Variants in SYT14 observed in about 807,000 individuals in gnomAD.
The protein encoded by SYT14 is synaptotagmin-14.
A neutral mutation model predicts 74.2 loss-of-function variants in SYT14; 32 were observed. The observed-to-expected ratio is 0.43, with a 90% CI of 0.33 to 0.58. The LOEUF (loss-of-function observed/expected upper bound fraction) is 0.58. SYT14 is among the 20% of genes least tolerant of loss of function. SYT14 has a pLI of 0.05. For missense variants in SYT14, 791 were observed against 981.8 expected (o/e 0.81, Z 2.60); for synonymous variants, 298 against 337.7 (o/e 0.88, Z 1.29).
At chr1:210,000,476 A>G (rs1055858849) in intron 2 of SYT14, among the ~76,000 whole-genome samples, 93 of 150,974 alleles carry the variant, frequency 6.2e-4, no homozygotes, top group African/African-American at 2.0e-3. Context: ...GCACACACAC[A>G]CACACACACA....
intron 7 of SYT14, among the ~76,000 whole-genome samples, chr1:210,147,402 A>G (rs745669559): frequency 2.0e-5 from 3 of 152,308 alleles, no homozygotes; most frequent in Non-Finnish European, 4.4e-5. Flanking sequence ...GAGAAATTAG[A>G]AGTTTTAAAC....
At chr1:210,050,030 A>G (rs1487707727) in intron 5 of SYT14, among the ~76,000 whole-genome samples, 1 of 152,156 alleles carries the variant, frequency 6.6e-6, no homozygotes, top group East Asian at 1.9e-4. Context: ...TACTCATGCA[A>G]ATTTCTACAG....
intron 7 of SYT14, among the ~76,000 whole-genome samples, chr1:210,104,459 T>C (rs554718010): frequency 1.3e-5 from 2 of 152,228 alleles, no homozygotes; most frequent in African/African-American, 2.4e-5. Flanking sequence ...TACTGTCTTA[T>C]GCCAAACTCA....
chr1:209,974,449 C>T (rs937314757), intron 2 of SYT14, among the ~76,000 whole-genome samples: 1 of 152,188 alleles, frequency 6.6e-6, no homozygotes, highest in African/African-American at 2.4e-5. Context: ...GTTTTTCCAG[C>T]ACCACTTATT....
intron 2 of SYT14, among the ~76,000 whole-genome samples, chr1:209,954,725 AG>A (rs2078964929): frequency 6.8e-6 from 1 of 147,528 alleles, no homozygotes; most frequent in Admixed American, 6.8e-5. Flanking sequence ...TTTTTTTTCC[AG>A]AGACAGATTC....
intron 5 of SYT14, among the ~76,000 whole-genome samples, chr1:210,066,390 T>C (rs2081296738): frequency 6.6e-6 from 1 of 152,156 alleles, no homozygotes; most frequent in South Asian, 2.1e-4. Context: ...CAGCACCTGT[T>C]GTTTCCTGAC....
intron 2 of SYT14, among the ~76,000 whole-genome samples, chr1:209,996,480 A>G (rs2079793836): frequency 6.6e-6 from 1 of 152,112 alleles, no homozygotes; most frequent in South Asian, 2.1e-4. Context: ...TAACCAAAAC[A>G]AAAAAGACCT....
intron 7 of SYT14, among the ~76,000 whole-genome samples, chr1:210,120,527 A>C (rs1268975948): frequency 6.6e-6 from 1 of 152,026 alleles, no homozygotes; most frequent in African/African-American, 2.4e-5. Flanking sequence ...AATACTTACC[A>C]TTGTGTTACA....
At chr1:209,983,887 G>T (rs1307012580) in intron 2 of SYT14, among the ~76,000 whole-genome samples, 1 of 152,174 alleles carries the variant, frequency 6.6e-6, no homozygotes, top group Non-Finnish European at 1.5e-5. Flanking sequence ...AGTAGGTGCT[G>T]CAGTCATCTA....
chr1:210,137,872 G>A lies in SYT14; in HGVS notation c.2035-17849G>A, dbSNP rs192916931. Among the ~76,000 whole-genome samples the A allele has an allele frequency of 7.9e-3, 1,194 of 152,018 alleles. 14 individuals carry two copies. The highest frequency in any genetic ancestry group is 0.027 in the African/African-American group (1,130 of 41,486). On this transcript the variant is annotated intron_variant, in intron 7 of 9. Transcript: ENST00000637265. ...ATTTTTGTATTTTTAGTAGAGACGG[G>A]GTTTCACCATGTTGGTCAAGCTGGT...
chr1:210,069,833 G>A (rs1185022247), intron 5 of SYT14, among the ~76,000 whole-genome samples: 6 of 136,312 alleles, frequency 4.4e-5, no homozygotes, highest in Non-Finnish European at 9.6e-5. Context: ...TTTTGTTTTT[G>A]CCTTTGTCAT....
chr1:210,113,933 GC>G (rs1410064234), intron 7 of SYT14, among the ~76,000 whole-genome samples: 1 of 151,334 alleles, frequency 6.6e-6, no homozygotes, highest in African/African-American at 2.5e-5. Flanking sequence ...AAGAAAATAG[GC>G]CCTTGAAAAG....
Position 210,032,648 on chromosome 1 carries a change from A to G in SYT14, c.1312+11394A>G, listed in dbSNP as rs1271313048. ...TCATTAAAGTGACTCTGACTCTAGT[A>G]CCCAGTAAAAAAAAAAAACCCATCA... On this transcript the variant is annotated intron_variant, in intron 5 of 9. Coordinates refer to ENST00000637265, the Ensembl canonical transcript of SYT14. 1.3e-4 allele frequency among the ~76,000 whole-genome samples: 13 copies of G among 102,838 alleles called. 1 individual carries two copies. Among genetic ancestry groups the G allele is most frequent in the Admixed American group, 1.2e-3 (12 of 10,278 alleles). 67.5% of individuals were successfully genotyped at this position (102,838 alleles called of 152,430 possible).
At chr1:210,142,800 C>T (rs2082945034) in intron 7 of SYT14, among the ~76,000 whole-genome samples, 1 of 152,058 alleles carries the variant, frequency 6.6e-6, no homozygotes. Flanking sequence ...GCAGACTACA[C>T]AGATAATAGT....
At chr1:210,059,665 A>G (rs1484637276) in intron 5 of SYT14, among the ~76,000 whole-genome samples, 1 of 151,980 alleles carries the variant, frequency 6.6e-6, no homozygotes, top group Non-Finnish European at 1.5e-5. Flanking sequence ...TTTATTAGCC[A>G]CCACATTGCA....
intron 5 of SYT14, among the ~76,000 whole-genome samples, chr1:210,031,503 C>T (rs1298414250): frequency 1.3e-5 from 2 of 152,066 alleles, no homozygotes; most frequent in Non-Finnish European, 2.9e-5. Flanking sequence ...TAATTTTTCT[C>T]ATAAATGCTT....
chr1:210,055,822 GT>G (rs1174786654), intron 5 of SYT14, among the ~76,000 whole-genome samples: 1 of 151,172 alleles, frequency 6.6e-6, no homozygotes, highest in African/African-American at 2.4e-5. Flanking sequence ...AAGTTAATTT[GT>G]TATAGTTATT....
At chr1:209,997,764 C>T (rs2079824687) in intron 2 of SYT14, among the ~76,000 whole-genome samples, 1 of 151,982 alleles carries the variant, frequency 6.6e-6, no homozygotes, top group African/African-American at 2.4e-5. Context: ...ATATAAATAA[C>T]CATGTAACAG....
At chr1:210,132,597 G>GTT (rs2082699912) in intron 7 of SYT14, among the ~76,000 whole-genome samples, 1 of 151,620 alleles carries the variant, frequency 6.6e-6, no homozygotes, top group African/African-American at 2.4e-5. Context: ...GTGTGTGTGT[G>GTT]TGTGTGTAGC....
Sources: allele counts gnomAD v4.1 joint callset (sites outside exome capture counted in the v4.1 genomes callset), GRCh38; gene constraint gnomAD v4.1.1; transcripts MANE v1.5; gene names NCBI Gene and HGNC (gene_info 2026-07-23, HGNC 2026-07-21).